Variants in TMPRSS9 observed in about 807,000 individuals in gnomAD.
The protein encoded by TMPRSS9 is transmembrane protease serine 9.
TMPRSS9 carries 113 observed loss-of-function variants against 111.4 expected under a neutral mutation model. That is an observed-to-expected ratio of 1.01 (90% CI 0.87 to 1.19). The LOEUF is 1.19. TMPRSS9 is among the 50% of genes most tolerant of loss of function. The pLI, the probability that TMPRSS9 is intolerant of heterozygous loss-of-function variation, is 0.00. For missense variants in TMPRSS9, 1,803 were observed against 1,513.1 expected (o/e 1.19, Z -3.18); for synonymous variants, 805 against 659.1 (o/e 1.22, Z -3.39).
intron 1 of TMPRSS9, among the ~76,000 whole-genome samples, chr19:2,372,296 C>A (rs1271700657): frequency 6.6e-6 from 1 of 151,982 alleles, no homozygotes; most frequent in Admixed American, 6.6e-5. Context: ...ACACACTTTT[C>A]TTTTTGGTTT....
chr19:2,361,263 T>A (rs1289254162), intron 1 of TMPRSS9, among the ~76,000 whole-genome samples: 1 of 34,526 alleles, frequency 2.9e-5, no homozygotes, highest in African/African-American at 1.3e-4. Context: ...GGGTGCAGGG[T>A]TGGGATGGGG....
At chr19:2,408,814 A>G (rs978501017) in intron 8 of TMPRSS9, among the ~76,000 whole-genome samples, 184 bp downstream of exon 9, 1 of 128,490 alleles carries the variant, frequency 7.8e-6, no homozygotes, top group East Asian at 2.3e-4. Flanking sequence ...GTCTCTACTA[A>G]AAAATACACA....
At chr19:2,379,472 A>T (rs1224733660) in intron 1 of TMPRSS9, among the ~76,000 whole-genome samples, 1 of 151,900 alleles carries the variant, frequency 6.6e-6, no homozygotes, top group African/African-American at 2.4e-5. Flanking sequence ...GGCATGAGCC[A>T]CCGTGCCCAG....
chr19:2,370,161 A>G lies in TMPRSS9; in HGVS notation c.-26+9801A>G, dbSNP rs552068718. Among the ~76,000 whole-genome samples the G allele has an allele frequency of 1.1e-4, 16 of 152,246 alleles. No homozygotes were observed. In the East Asian group the frequency reaches 3.1e-3, roughly 29 times the overall value. On this transcript the variant is annotated intron_variant, in intron 1 of 17. Transcript: ENST00000649857. ...GAGGCAGAGATTGCATTGAGCTGAT[A>G]TTGTGCCACTGCACTCTAGCCTGGG...
upstream of TMPRSS9, among the ~76,000 whole-genome samples, chr19:2,387,658 T>C (rs1004270667): frequency 1.3e-5 from 2 of 151,820 alleles, no homozygotes; most frequent in African/African-American, 4.8e-5. Flanking sequence ...GGTGGGAGGA[T>C]CACTTAAGCC....
At chr19:2,416,841 A>C (rs1308027442) in intron 12 of TMPRSS9, 32 bp downstream of exon 13, 2 of 1,577,016 alleles carry the variant, frequency 1.3e-6, no homozygotes, top group Non-Finnish European at 1.7e-6. Context: ...GGAACGGTGG[A>C]TTTATTCTCC....
chr19:2,425,526 C>T (rs959734789), intron 17 of TMPRSS9, 33 bp downstream of exon 18: 2 of 1,503,626 alleles, frequency 1.3e-6, no homozygotes, highest in South Asian at 1.2e-5. Flanking sequence ...GGACCAGGTC[C>T]CGCCCAGCCG....
At chr19:2,402,088 A>T (rs1970861902) in intron 5 of TMPRSS9, 72 bp downstream of exon 6, 1 of 1,496,990 alleles carries the variant, frequency 6.7e-7, no homozygotes, top group Admixed American at 1.8e-5. Context: ...CATTTCAAGG[A>T]AGTGAAGGAA....
intron 6 of TMPRSS9, 60 bp from the exon 8 acceptor site, chr19:2,405,314 G>C: frequency 6.6e-7 from 1 of 1,513,090 alleles, no homozygotes; most frequent in Non-Finnish European, 8.8e-7. Context: ...GCATGTTCTG[G>C]GAGTTCAGGG....
upstream of TMPRSS9, among the ~76,000 whole-genome samples, chr19:2,389,264 G>A (rs1356898645): frequency 2.7e-5 from 4 of 150,824 alleles, no homozygotes; most frequent in Non-Finnish European, 5.9e-5. Flanking sequence ...TAGTAGAGAT[G>A]GGGTTTCACC....
chr19:2,416,810 G>C lies in TMPRSS9; in HGVS notation c.2017+1G>C. Reference sequence around the variant, plus strand: ...TGGGGAAATACGCAGGAAGGAAATGGTGAGCGCTGCCCCATCGAGGGGAAC... The same window carrying C: ...TGGGGAAATACGCAGGAAGGAAATGCTGAGCGCTGCCCCATCGAGGGGAAC... On this transcript the variant is annotated splice_donor_variant, in intron 12 of 17. Transcript: ENST00000648592. LOFTEE classifies it high-confidence loss of function. 6.2e-7 allele frequency: 1 copy of C among 1,605,866 alleles called. No homozygotes were observed. Among genetic ancestry groups the C allele is most frequent in the Non-Finnish European group, 8.5e-7 (1 of 1,177,738 alleles).
At chr19:2,424,282 C>A in intron 15 of TMPRSS9, 25 bp downstream of exon 16, 1 of 1,333,650 alleles carries the variant, frequency 7.5e-7, no homozygotes, top group Non-Finnish European at 9.7e-7. Context: ...CTCCAAATGC[C>A]CCTACATGTC....
chr19:2,425,381 A>G (rs762223173), exon 17 of TMPRSS9: 4 of 1,542,064 alleles, frequency 2.6e-6, no homozygotes, highest in Non-Finnish European at 3.5e-6. Context: ...CAGCTGCAGA[A>G]GGCGGCCGTG....
At chr19:2,408,590 G>A (rs376169659) in exon 8 of TMPRSS9, 1 of 1,613,376 alleles carries the variant, frequency 6.2e-7, no homozygotes, top group Admixed American at 1.7e-5. Flanking sequence ...CCAGCAAGAA[G>A]TGCCTGATCT....
In TMPRSS9 at chr19:2,399,248, G is replaced by A. The variant is rs1396597079; in HGVS notation, c.514+55G>A. ...TCACGAGGAGGCTGGAGTGGGGCAG[G>A]AGCTGCAAGATACATTTTGATAACC... On this transcript the variant is annotated intron_variant, in intron 4 of 17. Transcript: ENST00000648592. 3 of 1,517,640 alleles carry A rather than the reference G, an allele frequency of 2.0e-6. No homozygotes were observed. In the African/African-American group the frequency reaches 4.2e-5, roughly 21 times the overall value. The allele number at this position is 1,517,640 out of a possible 1,614,324, so 94.0% of individuals were successfully genotyped here. A position where few individuals can be genotyped will look rare whatever the true frequency, so the allele number is the denominator to read the frequency against.
intron 1 of TMPRSS9, among the ~76,000 whole-genome samples, chr19:2,379,631 T>TTCTATCTTTCTA (rs1164765527): frequency 1.4e-5 from 2 of 144,158 alleles, no homozygotes; most frequent in African/African-American, 5.3e-5. Flanking sequence ...CTTTCTTTCT[T>TTCTATCTTTCTA]TCTTTCTTTC....
intron 1 of TMPRSS9, among the ~76,000 whole-genome samples, chr19:2,392,563 C>T (rs1322796598): frequency 6.6e-6 from 1 of 152,172 alleles, no homozygotes; most frequent in East Asian, 1.9e-4. Context: ...GAAAATTAGC[C>T]AGGGCCGGGC....
At chr19:2,410,324 T>C in exon 9 of TMPRSS9, 1 of 1,614,112 alleles carries the variant, frequency 6.2e-7, no homozygotes, top group Non-Finnish European at 8.5e-7. Context: ...TGTGCCAGCT[T>C]GTACGGCCAT....
At chr19:2,371,824 C>T (rs543330352) in intron 1 of TMPRSS9, among the ~76,000 whole-genome samples, 1 of 152,310 alleles carries the variant, frequency 6.6e-6, no homozygotes, top group East Asian at 1.9e-4. Context: ...CCCATCACCA[C>T]CGCGTTGGGA....
Sources: allele counts gnomAD v4.1 joint callset (sites outside exome capture counted in the v4.1 genomes callset), GRCh38; gene constraint gnomAD v4.1.1; transcripts MANE v1.5; gene names NCBI Gene and HGNC (gene_info 2026-07-23, HGNC 2026-07-21).